PTPRD: variants seen among roughly 807,000 people sequenced by gnomAD.
PTPRD encodes the protein receptor-type tyrosine-protein phosphatase delta.
PTPRD carries 34 observed loss-of-function variants against 214.5 expected under a neutral mutation model. That is an observed-to-expected ratio of 0.16 (90% CI 0.12 to 0.21). The LOEUF is 0.21. PTPRD is among the 10% of genes least tolerant of loss of function. PTPRD has a pLI of 1.00. For missense variants in PTPRD, 2,545 were observed against 2,398.7 expected, an observed-to-expected ratio of 1.06 and a Z score of -1.27; for synonymous variants, 1,128 against 845.7, an observed-to-expected ratio of 1.33 and a Z score of -5.79.
intron 12 of PTPRD, among the ~76,000 whole-genome samples, chr9:8,663,330 GA>G (rs1399297976): frequency 6.7e-6 from 1 of 148,478 alleles, no homozygotes; most frequent in Non-Finnish European, 1.5e-5. Flanking sequence ...GACTCACAAG[GA>G]AAAAGCTACT....
chr9:9,969,387 C>G (rs1415029419), intron 4 of PTPRD, among the ~76,000 whole-genome samples: 1 of 152,028 alleles, frequency 6.6e-6, no homozygotes, highest in Non-Finnish European at 1.5e-5. Flanking sequence ...AATAGGGTAC[C>G]CTTGAAAGGT....
chr9:9,747,775 A>C (rs996945753), intron 6 of PTPRD, among the ~76,000 whole-genome samples: 2 of 151,988 alleles, frequency 1.3e-5, no homozygotes, highest in African/African-American at 4.8e-5. Context: ...CTGGTCTCAA[A>C]CTACTGACCT....
intron 10 of PTPRD, among the ~76,000 whole-genome samples, chr9:9,121,373 C>T (rs1015641937): frequency 6.6e-5 from 10 of 152,090 alleles, no homozygotes; most frequent in African/African-American, 9.7e-5. Flanking sequence ...TACTTGCACA[C>T]GCATGTTTAT....
At chr9:9,189,525 C>G (rs1302064791) in intron 9 of PTPRD, among the ~76,000 whole-genome samples, 2 of 152,034 alleles carry the variant, frequency 1.3e-5, no homozygotes, top group African/African-American at 4.8e-5. Context: ...CCTCTCTGAT[C>G]CCTTCTCTCC....
At chr9:9,348,301 G>C (rs934317267) in intron 9 of PTPRD, among the ~76,000 whole-genome samples, 1 of 152,090 alleles carries the variant, frequency 6.6e-6, no homozygotes, top group Non-Finnish European at 1.5e-5. Context: ...GGCACTGAAA[G>C]TTGTGACTAG....
rs1569401857 is a variant in PTPRD, at chr9:9,014,209, T to TG, written c.-104+4487_-104+4488insC. Among the ~76,000 whole-genome samples the TG allele has an allele frequency of 1.7e-3, 262 of 151,664 alleles. 4 individuals carry two copies. The highest frequency in any genetic ancestry group is 6.0e-3 in the African/African-American group (249 of 41,404). ...TTTGTTTGTTTGTTTGTTTTTTTTT[T>TG]TTTTCTGGAAGCATTTATTTGAGTT... On this transcript the variant is annotated intron_variant, in intron 11 of 45. Coordinates refer to ENST00000381196, the MANE Select transcript of PTPRD (RefSeq NM_002839.4).
intron 4 of PTPRD, among the ~76,000 whole-genome samples, chr9:9,976,225 C>A (rs1442055846): frequency 6.6e-6 from 1 of 152,020 alleles, no homozygotes; most frequent in Non-Finnish European, 1.5e-5. Context: ...TTGTCTTTCA[C>A]AAAGGTCCCC....
intron 11 of PTPRD, among the ~76,000 whole-genome samples, chr9:8,916,981 T>C (rs2098790476): frequency 6.6e-6 from 1 of 151,892 alleles, no homozygotes; most frequent in Non-Finnish European, 1.5e-5. Context: ...AATCGTGTTC[T>C]CTTTATGAGG....
intron 9 of PTPRD, among the ~76,000 whole-genome samples, chr9:9,336,697 T>C (rs1303332811): frequency 6.6e-6 from 1 of 152,096 alleles, no homozygotes; most frequent in African/African-American, 2.4e-5. Flanking sequence ...ATCTATGAGA[T>C]ATATTATATA....
At chr9:9,025,411 T>C (rs1387093825) in intron 10 of PTPRD, among the ~76,000 whole-genome samples, 1 of 152,044 alleles carries the variant, frequency 6.6e-6, no homozygotes, top group East Asian at 1.9e-4. Context: ...ATTGTGAATG[T>C]AATCTTAAGG....
At chr9:10,244,907 C>T (rs1293422966) in intron 3 of PTPRD, among the ~76,000 whole-genome samples, 4 of 152,130 alleles carry the variant, frequency 2.6e-5, no homozygotes, top group Non-Finnish European at 5.9e-5. Flanking sequence ...CATGAGTCTA[C>T]TTGAGAGCTT....
In PTPRD at chr9:8,521,376, C is replaced by T. The variant is rs755280775; in HGVS notation, c.862G>A (p.Val288Met). ...PEDDMPIGRN[V>M]LELNDVRQSA... ...TGTCTTACATCATTCAGTTCTAGCA[C>T]ATTTCTTCCTATTGGCATATCATCT... The change falls in exon 20 of 46, where the codon GTG becomes ATG. Residue 288 changes from valine to methionine, a missense_variant. By Grantham distance (21) the Val-to-Met change is conservative (BLOSUM62 1). Coordinates refer to ENST00000381196, the MANE Select transcript of PTPRD (RefSeq NM_002839.4). 6.2e-7 allele frequency: 1 copy of T among 1,614,002 alleles called. No homozygotes were observed. Among genetic ancestry groups the T allele is most frequent in the Non-Finnish European group, 8.5e-7 (1 of 1,179,934 alleles).
intron 5 of PTPRD, among the ~76,000 whole-genome samples, chr9:9,806,864 T>G (rs148106353): frequency 2.6e-5 from 4 of 152,242 alleles, no homozygotes; most frequent in African/African-American, 9.6e-5. Flanking sequence ...ACAGCTCTTG[T>G]GAGCATGCAT....
intron 44 of PTPRD, among the ~76,000 whole-genome samples, chr9:8,324,213 C>T (rs995992203): frequency 1.3e-5 from 2 of 151,846 alleles, no homozygotes; most frequent in African/African-American, 4.8e-5. Context: ...AACCCATCAT[C>T]TACATTAGGT....
At chr9:8,529,717 C>A (rs994081434) in intron 14 of PTPRD, among the ~76,000 whole-genome samples, 2 of 152,146 alleles carry the variant, frequency 1.3e-5, no homozygotes, top group African/African-American at 4.8e-5. Flanking sequence ...TGTGTTCTAT[C>A]TAAGCATCGA....
intron 4 of PTPRD, among the ~76,000 whole-genome samples, chr9:10,000,248 G>A (rs570205930): frequency 4.8e-4 from 73 of 152,254 alleles, no homozygotes; most frequent in Non-Finnish European, 9.6e-4. Context: ...ATACATGGGT[G>A]TAACTAACAA....
chr9:10,362,379 A>G (rs1206147305), intron 2 of PTPRD, among the ~76,000 whole-genome samples: 1 of 149,474 alleles, frequency 6.7e-6, no homozygotes. Context: ...TGAGGAAAAG[A>G]GCTTTTAAAC....
intron 4 of PTPRD, among the ~76,000 whole-genome samples, chr9:10,018,246 GA>G (rs961733870): frequency 9.3e-5 from 14 of 151,028 alleles, no homozygotes; most frequent in African/African-American, 1.7e-4. Context: ...AAAAGGAAAG[GA>G]AAAAAAAATC....
chr9:9,783,496 G>A lies in PTPRD; in HGVS notation c.-367-16645C>T, dbSNP rs555103949. 2.9e-3 allele frequency among the ~76,000 whole-genome samples: 437 copies of A among 152,198 alleles called. 2 individuals are homozygous for A. Among genetic ancestry groups the A allele is most frequent in the African/African-American group, 9.9e-3 (412 of 41,562 alleles). On this transcript the variant is annotated intron_variant, in intron 5 of 45. Coordinates refer to ENST00000381196, the MANE Select transcript of PTPRD (RefSeq NM_002839.4). ...TACAAATTAAAATGTAATGTGAAAC[G>A]ATGGCACTGGGAATACTGAGGAATA...
Sources: gnomAD v4.1 joint callset for allele counts (sites outside exome capture counted in the v4.1 genomes callset) on GRCh38, gnomAD v4.1.1 for gene constraint, MANE v1.5 for transcripts, NCBI Gene and HGNC (gene_info 2026-07-23, HGNC 2026-07-21) for gene names.